Variants in RSRC1 observed in about 807,000 individuals in gnomAD.
RSRC1 encodes serine/Arginine-related protein 53.
Under a neutral mutation model 49.1 loss-of-function variants are expected in RSRC1, and 39 were observed. The observed-to-expected ratio is 0.79, with a 90% confidence interval of 0.61 to 1.04. The LOEUF (loss-of-function observed/expected upper bound fraction) is 1.04. Ranked by LOEUF, RSRC1 falls within the 50% of genes least tolerant of loss-of-function variation. The pLI, the probability that RSRC1 is intolerant of heterozygous loss-of-function variation, is 0.00. For synonymous variants in RSRC1, 143 were observed against 130.8 expected, an observed-to-expected ratio of 1.09 and a Z score of -0.63; for missense variants, 388 against 402.4, an observed-to-expected ratio of 0.96 and a Z score of 0.31.
intron 6 of RSRC1, among the ~76,000 whole-genome samples, chr3:158,375,035 A>G (rs1732282347): frequency 6.6e-6 from 1 of 152,016 alleles, no homozygotes; most frequent in South Asian, 2.1e-4. Flanking sequence ...GTAATTTGGA[A>G]AGGTTACTAA....
chr3:158,231,040 G>A (rs568415216), intron 4 of RSRC1, among the ~76,000 whole-genome samples: 93 of 150,878 alleles, frequency 6.2e-4, no homozygotes, highest in East Asian at 5.5e-3. Context: ...GCCTATTCTC[G>A]TGTTTAGCAC....
Position 158,229,145 on chromosome 3 carries a change from T to TACGTGTATATGTGTATATAAACAC in RSRC1, c.494+25902_494+25903insGTGTATATGTGTATATAAACACAC, listed in dbSNP as rs1722752099. Among the ~76,000 whole-genome samples, 18 of 147,348 alleles carry TACGTGTATATGTGTATATAAACAC rather than the reference T, an allele frequency of 1.2e-4. 5 individuals are homozygous for TACGTGTATATGTGTATATAAACAC. Among genetic ancestry groups the TACGTGTATATGTGTATATAAACAC allele is most frequent in the African/African-American group, 4.5e-4 (18 of 40,366 alleles). Reference sequence around the variant, plus strand: ...ATACGTGTATATGTGTATATAAACATACATACGTGTATATATGTATATAAA... The same window carrying TACGTGTATATGTGTATATAAACAC: ...ATACGTGTATATGTGTATATAAACATACGTGTATATGTGTATATAAACACACATACGTGTATATATGTATATAAA... On this transcript the variant is annotated intron_variant, in intron 4 of 9. Coordinates refer to ENST00000611884, the MANE Select transcript of RSRC1 (RefSeq NM_001271838.2).
chr3:158,391,605 C>G (rs1000931958), intron 6 of RSRC1, among the ~76,000 whole-genome samples: 18 of 152,112 alleles, frequency 1.2e-4, no homozygotes, highest in African/African-American at 4.3e-4. Flanking sequence ...TTGCCAGAAG[C>G]TGATTCTTGG....
At chr3:158,241,581 A>AT (rs1723581798) in intron 4 of RSRC1, among the ~76,000 whole-genome samples, 1 of 151,968 alleles carries the variant, frequency 6.6e-6, no homozygotes, top group Admixed American at 6.6e-5. Context: ...ATGCTAGTGG[A>AT]CTAATAAAAA....
chr3:158,384,927 G>A (rs1430102729), intron 6 of RSRC1, among the ~76,000 whole-genome samples: 1 of 152,064 alleles, frequency 6.6e-6, no homozygotes, highest in Non-Finnish European at 1.5e-5. Context: ...CTTATTCTAA[G>A]CATAGAACCT....
chr3:158,538,962 G>T (rs573237677), intron 8 of RSRC1, among the ~76,000 whole-genome samples: 2 of 151,950 alleles, frequency 1.3e-5, no homozygotes, highest in African/African-American at 4.8e-5. Context: ...ATCTATATCT[G>T]CAATATAAGG....
At chr3:158,449,541 C>A (rs1364839337) in intron 6 of RSRC1, among the ~76,000 whole-genome samples, 1 of 151,848 alleles carries the variant, frequency 6.6e-6, no homozygotes, top group African/African-American at 2.4e-5. Context: ...CACTGTGGAA[C>A]CTTGTTTAAA....
intron 7 of RSRC1, among the ~76,000 whole-genome samples, chr3:158,490,462 T>G (rs192954974): frequency 2.0e-3 from 298 of 152,354 alleles, no homozygotes; most frequent in Middle Eastern, 3.4e-3. Context: ...GTATTTAAAA[T>G]GGAGCAAAAC....
At position 158,229,225 on chromosome 3, in the gene RSRC1, C is replaced by T. The variant is rs1415189399; in HGVS notation, c.494+25980C>T. Among the ~76,000 whole-genome samples, 4 of 148,904 alleles carry T rather than the reference C, an allele frequency of 2.7e-5. 1 individual carries two copies. The highest frequency in any genetic ancestry group is 6.7e-5 in the Admixed American group (1 of 15,004). On this transcript the variant is annotated intron_variant, in intron 4 of 9. Transcript: ENST00000611884. Reference sequence around the variant, plus strand: ...GTGTATATATGTATACACACATACACGTATATGTGTATGTATGTATATAAA... The same window carrying T: ...GTGTATATATGTATACACACATACATGTATATGTGTATGTATGTATATAAA...
intron 3 of RSRC1, among the ~76,000 whole-genome samples, chr3:158,165,557 C>T (rs6809280): frequency 1.3e-3 from 203 of 152,306 alleles, no homozygotes; most frequent in African/African-American, 4.4e-3. Flanking sequence ...TGGCTGGCGC[C>T]GTTAATCAAT....
At chr3:158,339,058 C>T (rs887950549) in intron 5 of RSRC1, among the ~76,000 whole-genome samples, 9 of 150,876 alleles carry the variant, frequency 6.0e-5, no homozygotes, top group Non-Finnish European at 1.0e-4. Flanking sequence ...TTTGGGAGGC[C>T]GAGGAGGATG....
intron 4 of RSRC1, among the ~76,000 whole-genome samples, chr3:158,248,890 A>G (rs372863780): frequency 4.0e-5 from 5 of 124,442 alleles, no homozygotes; most frequent in African/African-American, 1.3e-4. Flanking sequence ...ATAGTTTTCT[A>G]TAGGCCTAGT....
chr3:158,132,402 C>G (rs1369274569), intron 3 of RSRC1: 1 of 154,606 alleles, frequency 6.5e-6, no homozygotes, highest in East Asian at 1.9e-4. Flanking sequence ...TATCATTTCT[C>G]CATGCTTTTA....
At chr3:158,268,453 T>G (rs1175852672) in intron 4 of RSRC1, among the ~76,000 whole-genome samples, 1 of 152,188 alleles carries the variant, frequency 6.6e-6, no homozygotes, top group African/African-American at 2.4e-5. Context: ...TTTTACATTT[T>G]TTCTGTTCTT....
In RSRC1 at chr3:158,349,691, C is replaced by CTTTTTT. The variant is rs775736592; in HGVS notation, c.532-5147_532-5142dup. Among the ~76,000 whole-genome samples, 537 of 74,838 alleles carry CTTTTTT rather than the reference C, an allele frequency of 7.2e-3. 58 individuals are homozygous for CTTTTTT. Among genetic ancestry groups the CTTTTTT allele is most frequent in the African/African-American group, 0.026 (475 of 18,030 alleles). 49.1% of individuals were successfully genotyped at this position (74,838 alleles called of 152,430 possible). A position where few individuals can be genotyped will look rare whatever the true frequency, so the allele number is the denominator to read the frequency against. Reference sequence around the variant, plus strand: ...AAAAGTTTACATTATTCTTACTGCCCTTTTTTTTTTTTTTTTTTTTTTTTG... The same window carrying CTTTTTT: ...AAAAGTTTACATTATTCTTACTGCCCTTTTTTTTTTTTTTTTTTTTTTTTTTTTTTG... On this transcript the variant is annotated intron_variant, in intron 5 of 9. Coordinates refer to ENST00000611884, the MANE Select transcript of RSRC1 (RefSeq NM_001271838.2).
In RSRC1 at chr3:158,331,948, C is replaced by T. The variant is rs552248814; in HGVS notation, c.532-22909C>T. 3.1e-4 allele frequency among the ~76,000 whole-genome samples: 46 copies of T among 150,554 alleles called. 1 individual carries two copies. The highest frequency in any genetic ancestry group is 1.3e-4 in the Admixed American group (2 of 15,136). Reference sequence around the variant, plus strand: ...CATAATATATATCTTTTAAAGTATACAAAGCAGTACTTTTGATTATATATT... The same window carrying T: ...CATAATATATATCTTTTAAAGTATATAAAGCAGTACTTTTGATTATATATT... On this transcript the variant is annotated intron_variant, in intron 5 of 9. Coordinates refer to ENST00000611884, the MANE Select transcript of RSRC1 (RefSeq NM_001271838.2).
At chr3:158,114,902 T>C (rs1256324817) in intron 1 of RSRC1, among the ~76,000 whole-genome samples, 1 of 152,218 alleles carries the variant, frequency 6.6e-6, no homozygotes, top group East Asian at 1.9e-4. Flanking sequence ...GCTTTTGAGC[T>C]GAGATGATTA....
chr3:158,511,817 A>G (rs1443687420), intron 7 of RSRC1, among the ~76,000 whole-genome samples: 1 of 151,686 alleles, frequency 6.6e-6, no homozygotes, highest in African/African-American at 2.4e-5. Context: ...TTGCCATTCT[A>G]AGTGGTGTGA....
intron 6 of RSRC1, among the ~76,000 whole-genome samples, chr3:158,401,059 G>C (rs950176304): frequency 2.0e-5 from 3 of 151,998 alleles, no homozygotes; most frequent in African/African-American, 7.2e-5. Flanking sequence ...TTCAGGTACA[G>C]TAACATGCTA....
Sources: allele counts gnomAD v4.1 joint callset (sites outside exome capture counted in the v4.1 genomes callset), GRCh38; gene constraint gnomAD v4.1.1; transcripts MANE v1.5; gene names NCBI Gene and HGNC (gene_info 2026-07-23, HGNC 2026-07-21).